Variants in MLPH observed in about 807,000 individuals in gnomAD.
The protein encoded by MLPH is exophilin-3.
Under a neutral mutation model 72.1 loss-of-function variants are expected in MLPH, and 51 were observed. The observed-to-expected ratio is 0.71, with a 90% CI of 0.56 to 0.89. MLPH has a LOEUF of 0.89. Among genes scored for constraint, MLPH ranks in the 40% least tolerant of loss-of-function variants. The probability of loss-of-function intolerance (pLI) is 0.00; values close to 1 mark genes in which losing one functional copy is unlikely to be tolerated. For missense variants in MLPH, 743 were observed against 759.9 expected, an observed-to-expected ratio of 0.98 and a Z score of 0.26; for synonymous variants, 301 against 310.1, an observed-to-expected ratio of 0.97 and a Z score of 0.31.
At chr2:237,547,850 C>T (rs1394457268) in intron 13 of MLPH, among the ~76,000 whole-genome samples, 1 of 151,722 alleles carries the variant, frequency 6.6e-6, no homozygotes, top group African/African-American at 2.4e-5. Context: ...GGGAGTTGCT[C>T]CCCGTGTTCA....
chr2:237,539,297 A>G lies in MLPH; in HGVS notation c.1105-1051A>G, dbSNP rs13426236. Among the ~76,000 whole-genome samples the G allele has an allele frequency of 0.32, 48,012 of 152,096 alleles. 8,299 individuals are homozygous for G. The highest frequency in any genetic ancestry group is 0.45 in the African/African-American group (18,741 of 41,460). ...AACCGGAGAGCAGCGAAGGTGGTGCAAGGCAGACCGATCCCGGGGGCCTCG... is the reference window on the plus strand; with the variant it reads ...AACCGGAGAGCAGCGAAGGTGGTGCGAGGCAGACCGATCCCGGGGGCCTCG... On this transcript the variant is annotated intron_variant, in intron 9 of 15. Transcript: ENST00000264605.
intron 1 of MLPH, among the ~76,000 whole-genome samples, chr2:237,489,726 C>T (rs532034373): frequency 3.3e-5 from 5 of 152,300 alleles, no homozygotes; most frequent in African/African-American, 1.2e-4. Context: ...CCACAATCAC[C>T]ATTGTTCCAA....
At chr2:237,526,332 G>C (rs1428673231) in intron 7 of MLPH, among the ~76,000 whole-genome samples, 1 of 152,164 alleles carries the variant, frequency 6.6e-6, no homozygotes, top group Non-Finnish European at 1.5e-5. Flanking sequence ...CGAGAGTTCA[G>C]ATGTCCCATC....
chr2:237,487,635 C>A (rs144734283), intron 1 of MLPH, among the ~76,000 whole-genome samples, 198 bp downstream of exon 1: 2 of 152,378 alleles, frequency 1.3e-5, no homozygotes, highest in African/African-American at 4.8e-5. Flanking sequence ...CAGGCTTCAC[C>A]TGGATTCTTT....
intron 1 of MLPH, among the ~76,000 whole-genome samples, chr2:237,492,975 T>G (rs540080310): frequency 1.5e-4 from 23 of 152,272 alleles, no homozygotes; most frequent in African/African-American, 5.1e-4. Context: ...CTGTGAAGTT[T>G]CCTCTTTTCT....
At chr2:237,551,872 G>C (rs1326392265) in intron 14 of MLPH, among the ~76,000 whole-genome samples, 1 of 152,112 alleles carries the variant, frequency 6.6e-6, no homozygotes, top group Non-Finnish European at 1.5e-5. Flanking sequence ...CCAGCTACTT[G>C]GGAGGCTGAG....
chr2:237,518,438 G>A (rs1374435300), intron 4 of MLPH, 101 bp from the exon 5 acceptor site: 1 of 923,914 alleles, frequency 1.1e-6, no homozygotes, highest in Non-Finnish European at 1.7e-6. Context: ...GGATGGGCAG[G>A]TAGATGGATA....
At chr2:237,508,509 T>A (rs2079823457) in intron 2 of MLPH, among the ~76,000 whole-genome samples, 1 of 152,152 alleles carries the variant, frequency 6.6e-6, no homozygotes, top group Non-Finnish European at 1.5e-5. Flanking sequence ...ACCATTGTTT[T>A]TACACCTTCA....
At position 237,515,556 on chromosome 2, in the gene MLPH, C is replaced by T. The variant is rs945002276; in HGVS notation, c.446-2983C>T. Among the ~76,000 whole-genome samples the T allele has an allele frequency of 4.6e-5, 7 of 152,124 alleles. No homozygotes were observed. In the East Asian group the frequency reaches 5.8e-4, roughly 13 times the overall value. On this transcript the variant is annotated intron_variant, in intron 4 of 15. Transcript: ENST00000264605. Reference sequence around the variant, plus strand: ...GGAAATGTCTAAAACAGAAACCACGCGGTCGTTTCACATAAGGAACTGGTT... The same window carrying T: ...GGAAATGTCTAAAACAGAAACCACGTGGTCGTTTCACATAAGGAACTGGTT...
chr2:237,546,454 G>A, intron 12 of MLPH, 152 bp from the exon 13 acceptor site: 2 of 712,454 alleles, frequency 2.8e-6, no homozygotes, highest in African/African-American at 1.7e-5. Context: ...CAGAGTCCTG[G>A]AGCGGCATAC....
chr2:237,527,519 A>C lies in MLPH; in HGVS notation c.1020+3A>C. 1.2e-6 allele frequency: 2 copies of C among 1,614,146 alleles called. No individual in the cohort carries two copies. The highest frequency in any genetic ancestry group is 1.7e-5 in the Admixed American group (1 of 60,022). Reference sequence around the variant, plus strand: ...GCCGGGCGTCTTCTGAGAGTCAGGTAACGGTGGCTGGAAAGACTTCTGTCT... The same window carrying C: ...GCCGGGCGTCTTCTGAGAGTCAGGTCACGGTGGCTGGAAAGACTTCTGTCT... On this transcript the variant is annotated splice_donor_region_variant and intron_variant, in intron 8 of 15. Transcript: ENST00000264605.
At chr2:237,549,347 C>A in intron 14 of MLPH, 69 bp downstream of exon 14, 1 of 1,331,888 alleles carries the variant, frequency 7.5e-7, no homozygotes, top group South Asian at 1.2e-5. Context: ...AATGACCAGT[C>A]GCAGCTCTGT....
At chr2:237,518,265 G>T in intron 4 of MLPH, 1 of 546,812 alleles carries the variant, frequency 1.8e-6, no homozygotes, top group East Asian at 3.4e-5. Context: ...ATGCATGGAT[G>T]GATGGGCTGC....
At chr2:237,535,935 A>G (rs115986375) in intron 9 of MLPH, among the ~76,000 whole-genome samples, 2,167 of 152,286 alleles carry the variant, frequency 0.014, 49 homozygotes, top group African/African-American at 0.05. Flanking sequence ...GTCTTTCCCA[A>G]TCGTCTACAG....
chr2:237,506,434 G>C (rs943804544), intron 2 of MLPH, among the ~76,000 whole-genome samples: 1 of 152,176 alleles, frequency 6.6e-6, no homozygotes, highest in African/African-American at 2.4e-5. Context: ...TATTCAGCTG[G>C]GAGCATCGGC....
intron 2 of MLPH, among the ~76,000 whole-genome samples, chr2:237,495,452 G>A (rs1375440387): frequency 6.6e-6 from 1 of 152,178 alleles, no homozygotes; most frequent in African/African-American, 2.4e-5. Context: ...ATTTGGATGG[G>A]GACCAGCCCC....
At chr2:237,553,337 G>C in intron 15 of MLPH, 2 of 623,616 alleles carry the variant, frequency 3.2e-6, no homozygotes. Context: ...TTTTCATTTT[G>C]ATTCAGTTCT....
Position 237,552,425 on chromosome 2 carries a change from C to T in MLPH, c.1764C>T (p.Ser588=), listed in dbSNP as rs772041220. 8.1e-6 allele frequency: 13 copies of T among 1,613,806 alleles called. No homozygotes were observed. Among genetic ancestry groups the T allele is most frequent in the Non-Finnish European group, 1.1e-5 (13 of 1,179,884 alleles). ...CCAACGCGAGGAAAGGAATGGCCAG[C>T]CACACCTTCGCGGTAAAGTTTTCTC... ...RNPNARKGMA[S]HTFAKPVVAH... is the part of the protein sequence containing the mutation. Residue 588 remains serine, a synonymous_variant, in exon 15 of 16, where the codon AGC becomes AGT. Transcript: ENST00000264605.
rs71424976 is a variant in MLPH at position 237,515,324 on chromosome 2, G to A, written c.446-3215G>A. ...ATCCGCCGAATGCTCGCCAGGTGCC[G>A]GGTCCTGGGCTGTCCTGAGGGTAGT... On this transcript the variant is annotated intron_variant, in intron 4 of 15. Transcript: ENST00000264605. 4.3e-3 allele frequency among the ~76,000 whole-genome samples: 662 copies of A among 152,278 alleles called. 1 individual carries two copies. The highest frequency in any genetic ancestry group is 7.7e-3 in the Non-Finnish European group (522 of 68,004).
Sources: allele counts gnomAD v4.1 joint callset (sites outside exome capture counted in the v4.1 genomes callset), GRCh38; gene constraint gnomAD v4.1.1; transcripts MANE v1.5; gene names NCBI Gene and HGNC (gene_info 2026-07-23, HGNC 2026-07-21).